The following SVOP variants were observed in gnomAD, a reference collection of about 807,000 sequenced individuals.
The protein encoded by SVOP is SV2 related protein.
Under a neutral mutation model 69.1 loss-of-function variants are expected in SVOP, and 17 were observed. The ratio of observed to expected loss-of-function variants is 0.25; its 90% CI spans 0.17 to 0.37. SVOP has a LOEUF of 0.37. Among genes scored for constraint, SVOP ranks in the 10% least tolerant of loss-of-function variants. The pLI, the probability that SVOP is intolerant of heterozygous loss-of-function variation, is 1.00. For synonymous variants in SVOP, 238 were observed against 238.6 expected (o/e 1.00, Z 0.02); for missense variants, 435 against 597.5 (o/e 0.73, Z 2.84).
At chr12:109,003,967 G>A (rs1250093847) in intron 1 of SVOP, among the ~76,000 whole-genome samples, 1 of 152,148 alleles carries the variant, frequency 6.6e-6, no homozygotes, top group African/African-American at 2.4e-5. Context: ...CACAAAAAGC[G>A]AGGGCACCTT....
intron 1 of SVOP, among the ~76,000 whole-genome samples, chr12:108,995,961 T>C (rs2040229710): frequency 6.6e-6 from 1 of 150,926 alleles, no homozygotes. Context: ...ACAATAAACA[T>C]ACACACACAC....
intron 1 of SVOP, among the ~76,000 whole-genome samples, chr12:108,992,484 T>C (rs1303084939): frequency 1.3e-5 from 2 of 152,104 alleles, no homozygotes; most frequent in Non-Finnish European, 2.9e-5. Context: ...GAGGCTGCAG[T>C]GAGCTATGAT....
rs2039688898 is a variant in SVOP, at chr12:108,912,268, A to G, written c.*267T>C. 2.2e-6 allele frequency: 3 copies of G among 1,350,296 alleles called. No homozygotes were observed. The highest frequency in any genetic ancestry group is 2.9e-5 in the East Asian group (1 of 34,326). 83.6% of individuals were successfully genotyped at this position (1,350,296 alleles called of 1,614,324 possible). On this transcript the variant is annotated 3_prime_UTR_variant, in exon 16 of 16. Coordinates refer to ENST00000610966, the MANE Select transcript of SVOP (RefSeq NM_018711.5). Reference sequence around the variant, plus strand: ...GCTGGCATTACCAGACCCTCCTAATATGGGTAGTCTTCCCATGTAGATCCA... The same window carrying G: ...GCTGGCATTACCAGACCCTCCTAATGTGGGTAGTCTTCCCATGTAGATCCA...
At chr12:108,939,620 C>A (rs553044959) in intron 8 of SVOP, among the ~76,000 whole-genome samples, 37 of 152,328 alleles carry the variant, frequency 2.4e-4, no homozygotes, top group South Asian at 2.1e-4. Flanking sequence ...GGCCCTTTAA[C>A]AAGTCAATTA....
chr12:108,914,755 A>G (rs1332629808), intron 15 of SVOP, among the ~76,000 whole-genome samples: 1 of 151,248 alleles, frequency 6.6e-6, no homozygotes, highest in African/African-American at 2.4e-5. Context: ...TGGGGGTTTC[A>G]CCATGTTGGC....
chr12:108,956,573 T>C (rs2039987058), intron 6 of SVOP, among the ~76,000 whole-genome samples: 1 of 152,168 alleles, frequency 6.6e-6, no homozygotes, highest in Non-Finnish European at 1.5e-5. Flanking sequence ...GGTACATACA[T>C]TGGACTCTTC....
At chr12:108,928,967 G>A (rs1452132224) in intron 11 of SVOP, among the ~76,000 whole-genome samples, 1 of 152,142 alleles carries the variant, frequency 6.6e-6, no homozygotes, top group Middle Eastern at 3.2e-3. Flanking sequence ...CAAAGACACA[G>A]GGACAGAAAA....
intron 1 of SVOP, among the ~76,000 whole-genome samples, chr12:108,991,112 A>G (rs932187113): frequency 6.6e-6 from 1 of 152,056 alleles, no homozygotes; most frequent in African/African-American, 2.4e-5. Flanking sequence ...ACCCTGAGAG[A>G]CCTATGACAC....
At chr12:109,017,734 G>C (rs2040375567) in intron 1 of SVOP, among the ~76,000 whole-genome samples, 2 of 151,988 alleles carry the variant, frequency 1.3e-5, no homozygotes, top group Admixed American at 6.6e-5. Context: ...AGTAGAGACA[G>C]TGTTTCACCA....
chr12:108,973,605 T>G (rs1258474871), intron 4 of SVOP, among the ~76,000 whole-genome samples: 2 of 152,182 alleles, frequency 1.3e-5, no homozygotes, highest in African/African-American at 2.4e-5. Flanking sequence ...CACTTCGTTG[T>G]CCAGGTTGGT....
At chr12:108,994,451 G>A (rs1593202984) in intron 1 of SVOP, among the ~76,000 whole-genome samples, 1 of 152,146 alleles carries the variant, frequency 6.6e-6, no homozygotes, top group Non-Finnish European at 1.5e-5. Context: ...CTGAGATCAC[G>A]CCACTGCACT....
chr12:108,960,119 A>G (rs1272763145), intron 6 of SVOP, among the ~76,000 whole-genome samples: 1 of 152,262 alleles, frequency 6.6e-6, no homozygotes, highest in Non-Finnish European at 1.5e-5. Context: ...CGCATTTTCT[A>G]TAATGGGCCA....
In SVOP at chr12:108,910,939, C is replaced by T. The variant is rs1022063634; in HGVS notation, c.*1596G>A. On this transcript the variant is annotated 3_prime_UTR_variant, in exon 16 of 16. Coordinates refer to ENST00000610966, the MANE Select transcript of SVOP (RefSeq NM_018711.5). ...TTGAACGCACAAATTGGCTTCCTTG[C>T]AATGTTTACTTCAAGCAGTAGGTCT... The T allele has an allele frequency of 6.6e-6, 1 of 152,230 alleles. No individual in the cohort carries two copies. Among genetic ancestry groups the T allele is most frequent in the African/African-American group, 2.4e-5 (1 of 41,454 alleles). 9.4% of individuals were successfully genotyped at this position (152,230 alleles called of 1,614,324 possible). A position where few individuals can be genotyped will look rare whatever the true frequency, so the allele number is the denominator to read the frequency against.
At chr12:108,964,507 T>A (rs2040034209) in intron 5 of SVOP, among the ~76,000 whole-genome samples, 1 of 150,912 alleles carries the variant, frequency 6.6e-6, no homozygotes, top group Non-Finnish European at 1.5e-5. Flanking sequence ...TCCTTCAAGG[T>A]CTGCTGGGAG....
intron 1 of SVOP, among the ~76,000 whole-genome samples, chr12:108,990,267 G>A (rs1178755246): frequency 6.6e-6 from 1 of 152,130 alleles, no homozygotes; most frequent in African/African-American, 2.4e-5. Context: ...TCCCTACAAA[G>A]GACATGAACT....
At chr12:108,979,713 G>A (rs2040126471) in intron 2 of SVOP, among the ~76,000 whole-genome samples, 1 of 152,102 alleles carries the variant, frequency 6.6e-6, no homozygotes, top group African/African-American at 2.4e-5. Flanking sequence ...AGACTGAGTG[G>A]ACATCTTACA....
chr12:108,984,451 C>T (rs1484192567), intron 1 of SVOP, among the ~76,000 whole-genome samples: 3 of 152,176 alleles, frequency 2.0e-5, no homozygotes, highest in Non-Finnish European at 4.4e-5. Flanking sequence ...GTGGTGGTCC[C>T]CGGCCCACCC....
At chr12:108,979,111 T>C (rs530720768) in intron 2 of SVOP, among the ~76,000 whole-genome samples, 1 of 143,690 alleles carries the variant, frequency 7.0e-6, no homozygotes, top group South Asian at 2.3e-4. Context: ...ATCCGTAGAA[T>C]ATATACAAGG....
chr12:108,924,028 T>C (rs1380183377), intron 11 of SVOP, among the ~76,000 whole-genome samples: 1 of 152,068 alleles, frequency 6.6e-6, no homozygotes, highest in Non-Finnish European at 1.5e-5. Context: ...TTTGGGGAAG[T>C]GATTAAGTCA....
Sources: allele counts gnomAD v4.1 joint callset (sites outside exome capture counted in the v4.1 genomes callset), GRCh38; gene constraint gnomAD v4.1.1; transcripts MANE v1.5; gene names NCBI Gene and HGNC (gene_info 2026-07-23, HGNC 2026-07-21).